Variants in MDFIC2 observed in about 807,000 individuals in gnomAD.
The protein encoded by MDFIC2 is myoD family inhibitor domain-containing protein 2.
intron 2 of MDFIC2, among the ~76,000 whole-genome samples, chr3:70,211,020 A>G (rs1701339686): frequency 6.6e-6 from 1 of 152,040 alleles, no homozygotes; most frequent in Admixed American, 6.6e-5. Flanking sequence ...CGTTTTAATG[A>G]TTTTCATTTT....
intron 2 of MDFIC2, among the ~76,000 whole-genome samples, chr3:70,209,448 T>C (rs963228567): frequency 2.0e-5 from 3 of 152,074 alleles, no homozygotes; most frequent in Admixed American, 2.0e-4. Context: ...ATATACCTTA[T>C]TGAACTTAAG....
chr3:70,250,254 A>G (rs1252406969), intron 2 of MDFIC2, among the ~76,000 whole-genome samples: 2 of 152,128 alleles, frequency 1.3e-5, no homozygotes, highest in African/African-American at 2.4e-5. Flanking sequence ...TGAAGCACCA[A>G]ATCTCTCACG....
At chr3:70,295,214 A>G (rs188350288) in intron 2 of MDFIC2, among the ~76,000 whole-genome samples, 50 of 152,288 alleles carry the variant, frequency 3.3e-4, no homozygotes, top group Non-Finnish European at 6.3e-4. Context: ...ATTGCTTAAG[A>G]AGAATGGAAG....
At position 70,291,018 on chromosome 3, in the gene MDFIC2, T is replaced by C. The variant is rs530373577; in HGVS notation, c.88+20868A>G. Among the ~76,000 whole-genome samples the C allele has an allele frequency of 3.3e-5, 5 of 152,336 alleles. No homozygotes were observed. The South Asian group carries it at 1.0e-3, about 32-fold the overall frequency. ...GATGGAAATGCAGAAATCACCGGTCTTCTGCTTCGCTCACGCTGGGAGCAG... is the reference window on the plus strand; with the variant it reads ...GATGGAAATGCAGAAATCACCGGTCCTCTGCTTCGCTCACGCTGGGAGCAG... On this transcript the variant is annotated intron_variant, in intron 2 of 3. Transcript: ENST00000567252.
intron 2 of MDFIC2, among the ~76,000 whole-genome samples, chr3:70,276,732 A>T (rs1702030579): frequency 6.6e-6 from 1 of 152,214 alleles, no homozygotes; most frequent in African/African-American, 2.4e-5. Flanking sequence ...TCATTAATTT[A>T]TGTATTATCT....
At chr3:70,251,344 T>C (rs1488459381) in intron 2 of MDFIC2, among the ~76,000 whole-genome samples, 1 of 152,222 alleles carries the variant, frequency 6.6e-6, no homozygotes, top group Non-Finnish European at 1.5e-5. Context: ...TCTATGTTCA[T>C]TGTTCACCTA....
rs139476170 is a variant in MDFIC2, at chr3:70,278,814, C to T, written c.88+33072G>A. Among the ~76,000 whole-genome samples, 153 of 152,046 alleles carry T rather than the reference C, an allele frequency of 1.0e-3. 4 individuals carry two copies. In the East Asian group the frequency reaches 0.027, roughly 27 times the overall value. On this transcript the variant is annotated intron_variant, in intron 2 of 3. Coordinates refer to ENST00000567252, the MANE Select transcript of MDFIC2 (RefSeq NM_001364677.1). ...ACTTATGTTTCCTATGCCTCAGATT[C>T]TTCTTCTATAAAGGATAGCAAGCCA...
At chr3:70,263,380 G>T (rs1701886197) in intron 2 of MDFIC2, among the ~76,000 whole-genome samples, 1 of 151,934 alleles carries the variant, frequency 6.6e-6, no homozygotes, top group Non-Finnish European at 1.5e-5. Context: ...ACTCTTTTAG[G>T]GTAGGTCTAT....
At chr3:70,291,142 A>T in intron 2 of MDFIC2, 1 of 152,130 alleles carries the variant, frequency 6.6e-6, no homozygotes, top group East Asian at 1.9e-4. Context: ...TTTACCATAA[A>T]AAGTATTTTT....
intron 2 of MDFIC2, among the ~76,000 whole-genome samples, chr3:70,270,018 A>G (rs1701958730): frequency 6.6e-6 from 1 of 152,254 alleles, no homozygotes; most frequent in Non-Finnish European, 1.5e-5. Flanking sequence ...GGACAAGAGT[A>G]CAGTGATAAA....
At chr3:70,256,156 T>C (rs1701813789) in intron 2 of MDFIC2, among the ~76,000 whole-genome samples, 1 of 152,236 alleles carries the variant, frequency 6.6e-6, no homozygotes, top group Non-Finnish European at 1.5e-5. Context: ...TGGTTACGAA[T>C]GACTCTTTAA....
intron 2 of MDFIC2, among the ~76,000 whole-genome samples, chr3:70,296,472 G>A (rs972403841): frequency 2.0e-5 from 3 of 151,952 alleles, no homozygotes; most frequent in South Asian, 2.1e-4. Flanking sequence ...CTCTCACACC[G>A]TGACATTGGT....
At chr3:70,305,139 A>C (rs572482660) in intron 2 of MDFIC2, among the ~76,000 whole-genome samples, 2 of 152,324 alleles carry the variant, frequency 1.3e-5, no homozygotes, top group East Asian at 3.9e-4. Flanking sequence ...CAAAGCTTCG[A>C]AACAATTACC....
intron 2 of MDFIC2, chr3:70,292,026 T>G (rs1167530158): frequency 6.6e-6 from 1 of 152,220 alleles, no homozygotes; most frequent in African/African-American, 2.4e-5. Flanking sequence ...GCTGAATAAA[T>G]AGTCTCTTCC....
chr3:70,224,130 C>T (rs766408047), intron 2 of MDFIC2, among the ~76,000 whole-genome samples: 4 of 152,010 alleles, frequency 2.6e-5, no homozygotes, highest in Admixed American at 1.3e-4. Context: ...CACTAACAAG[C>T]AGAGGGAAAA....
Position 70,194,812 on chromosome 3 carries a change from A to T in MDFIC2, c.*2114T>A, listed in dbSNP as rs1353127202. Among the ~76,000 whole-genome samples, 1 of 152,200 alleles carries T rather than the reference A, an allele frequency of 6.6e-6. No homozygotes were observed. The highest frequency in any genetic ancestry group is 1.5e-5 in the Non-Finnish European group (1 of 68,040). On this transcript the variant is annotated 3_prime_UTR_variant, in exon 4 of 4. Coordinates refer to ENST00000567252, the MANE Select transcript of MDFIC2 (RefSeq NM_001364677.1). ...AATATGGCATGGCCTCACCAATGAT[A>T]CCAGGTACCATATTATAGGAATAGG...
At chr3:70,269,363 GGA>G (rs1701953116) in intron 2 of MDFIC2, among the ~76,000 whole-genome samples, 6 of 152,122 alleles carry the variant, frequency 3.9e-5, no homozygotes, top group Non-Finnish European at 8.8e-5. Flanking sequence ...TAACCTGTCT[GGA>G]TACATAGACA....
chr3:70,311,433 C>T (rs183621795), intron 2 of MDFIC2, among the ~76,000 whole-genome samples: 1 of 152,160 alleles, frequency 6.6e-6, no homozygotes, highest in South Asian at 2.1e-4. Context: ...ACAGCATTCT[C>T]CCCTGGGAAG....
Position 70,197,086 on chromosome 3 carries a change from C to T in MDFIC2, c.410G>A (p.Cys137Tyr). The change falls in exon 4 of 4, where the codon TGC (cysteine) becomes TAC (tyrosine). Residue 137 changes from cysteine to tyrosine, a missense_variant. By Grantham distance (194) the Cys-to-Tyr change is radical (BLOSUM62 -2). Coordinates refer to ENST00000567252, the MANE Select transcript of MDFIC2 (RefSeq NM_001364677.1). ...GTGGTGATACCGGCGAGAGGGGCAG[C>T]ACATTTTGGTACACACCGTTTCGCA... ...GTCETVCTKM[C>Y]CPSRRYHHTS... The T allele has an allele frequency of 2.5e-6, 1 of 398,566 alleles. No homozygotes were observed. The highest frequency in any genetic ancestry group is 4.4e-6 in the Non-Finnish European group (1 of 226,062). The allele number at this position is 398,566 out of a possible 1,614,324, so 24.7% of individuals were successfully genotyped here. A position where few individuals can be genotyped will look rare whatever the true frequency, so the allele number is the denominator to read the frequency against.
Sources: allele counts gnomAD v4.1 joint callset (sites outside exome capture counted in the v4.1 genomes callset), GRCh38; gene constraint gnomAD v4.1.1; transcripts MANE v1.5; gene names NCBI Gene and HGNC (gene_info 2026-07-23, HGNC 2026-07-21).